The following KIF16B variants were observed in gnomAD, a reference collection of about 807,000 sequenced individuals.
The protein encoded by KIF16B is kinesin family member 16B.
KIF16B carries 98 observed loss-of-function variants against 156.3 expected under a neutral mutation model. The observed-to-expected ratio is 0.63, with a 90% CI of 0.53 to 0.74. The LOEUF is 0.74. Ranked by LOEUF, KIF16B falls within the 30% of genes least tolerant of loss-of-function variation. The pLI is 0.00. For missense variants in KIF16B, 1,421 were observed against 1,606.5 expected (o/e 0.88, Z 1.97); for synonymous variants, 564 against 583.7 (o/e 0.97, Z 0.49).
chr20:16,441,586 T>C (rs1030008424), intron 12 of KIF16B, among the ~76,000 whole-genome samples: 1 of 152,220 alleles, frequency 6.6e-6, no homozygotes, highest in Non-Finnish European at 1.5e-5. Context: ...ATCAGGCTTG[T>C]GCCCACACCA....
chr20:16,479,362 C>T (rs6034493), intron 12 of KIF16B, among the ~76,000 whole-genome samples: 27,320 of 151,764 alleles, frequency 0.18, 4,345 homozygotes, highest in African/African-American at 0.43. Flanking sequence ...CTGGAGGCGG[C>T]GGATGGGGCA....
chr20:16,387,797 A>G (rs1054180350), intron 17 of KIF16B, among the ~76,000 whole-genome samples: 3 of 152,286 alleles, frequency 2.0e-5, no homozygotes, highest in East Asian at 3.9e-4. Context: ...TTGGAGGAGG[A>G]TCTAAGAGTC....
At chr20:16,299,246 G>C (rs970744141) in intron 25 of KIF16B, among the ~76,000 whole-genome samples, 1 of 152,064 alleles carries the variant, frequency 6.6e-6, no homozygotes, top group Non-Finnish European at 1.5e-5. Flanking sequence ...ATGTGTGTGT[G>C]CATATAAATA....
intron 15 of KIF16B, among the ~76,000 whole-genome samples, chr20:16,417,189 T>A (rs981010334): frequency 2.0e-5 from 3 of 152,132 alleles, no homozygotes; most frequent in African/African-American, 4.8e-5. Context: ...CTCACAGAGT[T>A]GTTTATTAAC....
rs2064392001 is a variant in KIF16B at position 16,354,196 on chromosome 20, A to G, written c.3621+2134T>C. On this transcript the variant is annotated intron_variant, in intron 23 of 25. Transcript: ENST00000354981. ...TATTTAAATCAATGCAGTTTTTAAA[A>G]TATTAAATATCTTTTTATCTGAGTT... is the stretch of plus-strand genomic sequence containing the variant. Among the ~76,000 whole-genome samples the G allele has an allele frequency of 2.0e-5, 3 of 152,232 alleles. No individual in the cohort carries two copies. In the South Asian group the frequency reaches 6.2e-4, roughly 32 times the overall value.
chr20:16,367,521 G>A lies in KIF16B; in HGVS notation c.3498+3065C>T, dbSNP rs149275109. On this transcript the variant is annotated intron_variant, in intron 22 of 25. Transcript: ENST00000354981. ...CCAGTGCAATGTGGGTGTTCAGAAG[G>A]ACTAGCGACTGGCACTGGTCATGGC... 400 of 1,612,892 alleles carry A rather than the reference G, an allele frequency of 2.5e-4. 1 individual carries two copies. The highest frequency in any genetic ancestry group is 2.3e-3 in the Middle Eastern group (14 of 6,062).
intron 12 of KIF16B, among the ~76,000 whole-genome samples, chr20:16,478,480 G>T (rs1400731279): frequency 6.6e-6 from 1 of 152,090 alleles, no homozygotes; most frequent in Non-Finnish European, 1.5e-5. Context: ...ATTAACTGTG[G>T]TCCAAAAATA....
intron 24 of KIF16B, among the ~76,000 whole-genome samples, chr20:16,326,738 G>C (rs1355088772): frequency 1.3e-5 from 2 of 151,948 alleles, no homozygotes; most frequent in African/African-American, 4.8e-5. Context: ...ATGTAAACTA[G>C]TACAACCACT....
Position 16,392,158 on chromosome 20 carries a change from G to A in KIF16B, c.1785-10411C>T, listed in dbSNP as rs887041871. ...TTTGTTCCCAGCCCTCAGCCTTTCCGGCCATACAGATGCACTCACAGAGAA... is the reference window on the plus strand; with the variant it reads ...TTTGTTCCCAGCCCTCAGCCTTTCCAGCCATACAGATGCACTCACAGAGAA... On this transcript the variant is annotated intron_variant, in intron 17 of 25. Coordinates refer to ENST00000354981, the MANE Select transcript of KIF16B (RefSeq NM_024704.5). Among the ~76,000 whole-genome samples, 3 of 152,076 alleles carry A rather than the reference G, an allele frequency of 2.0e-5. No homozygotes were observed. The South Asian group carries it at 6.2e-4, about 32-fold the overall frequency.
At chr20:16,367,781 C>T (rs768880847) in intron 22 of KIF16B, 6 of 1,612,366 alleles carry the variant, frequency 3.7e-6, no homozygotes, top group Admixed American at 1.7e-5. Flanking sequence ...GCGCAGGCAG[C>T]GGCATCAGGC....
At chr20:16,333,877 C>T (rs1189284630) in intron 24 of KIF16B, among the ~76,000 whole-genome samples, 1 of 152,150 alleles carries the variant, frequency 6.6e-6, no homozygotes, top group African/African-American at 2.4e-5. Context: ...TGCCCAACAC[C>T]TTCTGCCCCA....
At chr20:16,389,036 C>T (rs908843274) in intron 17 of KIF16B, among the ~76,000 whole-genome samples, 18 of 152,092 alleles carry the variant, frequency 1.2e-4, no homozygotes, top group African/African-American at 4.1e-4. Context: ...CCCCTGGCAA[C>T]AGAGGCGGTC....
At chr20:16,306,938 C>T (rs1465323519) in intron 25 of KIF16B, among the ~76,000 whole-genome samples, 1 of 152,172 alleles carries the variant, frequency 6.6e-6, no homozygotes, top group South Asian at 2.1e-4. Flanking sequence ...GAAACAGTGA[C>T]ATTAAATAAT....
chr20:16,365,846 A>G (rs1172545529), intron 22 of KIF16B, among the ~76,000 whole-genome samples: 1 of 152,122 alleles, frequency 6.6e-6, no homozygotes, highest in Non-Finnish European at 1.5e-5. Flanking sequence ...TCACTGACTC[A>G]CTCAGCTGCA....
At chr20:16,354,636 G>A (rs1309097804) in intron 23 of KIF16B, among the ~76,000 whole-genome samples, 2 of 152,158 alleles carry the variant, frequency 1.3e-5, no homozygotes, top group East Asian at 3.8e-4. Flanking sequence ...CACATAATTG[G>A]ATAAGCAAAG....
chr20:16,328,017 GA>G (rs1417602373), intron 24 of KIF16B, among the ~76,000 whole-genome samples: 9 of 152,186 alleles, frequency 5.9e-5, no homozygotes, highest in African/African-American at 2.2e-4. Context: ...AGTTGTCCAA[GA>G]CAAATACAAG....
chr20:16,340,227 C>T (rs764698899), intron 23 of KIF16B, among the ~76,000 whole-genome samples: 3 of 152,026 alleles, frequency 2.0e-5, no homozygotes, highest in Admixed American at 6.6e-5. Context: ...TGACTAGCTC[C>T]CTCATTTCCT....
chr20:16,351,844 A>G (rs1305301430), intron 23 of KIF16B, among the ~76,000 whole-genome samples: 1 of 152,218 alleles, frequency 6.6e-6, no homozygotes, highest in East Asian at 1.9e-4. Context: ...AACCTTTTGT[A>G]TCATCAGGTA....
intron 25 of KIF16B, among the ~76,000 whole-genome samples, chr20:16,283,871 C>T (rs553893508): frequency 6.6e-6 from 1 of 152,268 alleles, no homozygotes; most frequent in South Asian, 2.1e-4. Flanking sequence ...ATACGGCATT[C>T]TGTAATCACA....
Sources: gnomAD v4.1 joint callset for allele counts (sites outside exome capture counted in the v4.1 genomes callset) on GRCh38, gnomAD v4.1.1 for gene constraint, MANE v1.5 for transcripts, NCBI Gene and HGNC (gene_info 2026-07-23, HGNC 2026-07-21) for gene names.